Variants in NRG1 observed in about 807,000 individuals in gnomAD.
NRG1 encodes neuregulin 1.
NRG1 carries 18 observed loss-of-function variants against 63.8 expected under a neutral mutation model. The ratio of observed to expected loss-of-function variants is 0.28; its 90% CI spans 0.19 to 0.42. The LOEUF (loss-of-function observed/expected upper bound fraction) is 0.42, where lower values mean the gene tolerates loss of function less well. Ranked by LOEUF, NRG1 falls within the 10% of genes least tolerant of loss-of-function variation. NRG1 has a pLI of 1.00. For synonymous variants in NRG1, 302 were observed against 301.3 expected, an observed-to-expected ratio of 1.00 and a Z score of -0.02; for missense variants, 762 against 814.7, an observed-to-expected ratio of 0.94 and a Z score of 0.79.
At chr8:31,738,562 G>A (rs1814931058) in intron 1 of NRG1, among the ~76,000 whole-genome samples, 1 of 151,994 alleles carries the variant, frequency 6.6e-6, no homozygotes, top group Admixed American at 6.6e-5. Flanking sequence ...AGGTCTTTCA[G>A]TGAAATCTGT....
chr8:32,170,477 T>C (rs567707366), intron 1 of NRG1, among the ~76,000 whole-genome samples: 1 of 152,186 alleles, frequency 6.6e-6, no homozygotes, highest in South Asian at 2.1e-4. Flanking sequence ...TTGCCTCTGG[T>C]TGTGCAGATG....
intron 1 of NRG1, among the ~76,000 whole-genome samples, chr8:32,032,452 G>T (rs1319229751): frequency 6.6e-6 from 1 of 152,088 alleles, no homozygotes; most frequent in Admixed American, 6.5e-5. Context: ...TTTTAGTAGA[G>T]ATGGGGTTTC....
intron 1 of NRG1, among the ~76,000 whole-genome samples, chr8:31,909,417 G>C (rs1459509360): frequency 6.6e-6 from 1 of 152,044 alleles, no homozygotes; most frequent in Non-Finnish European, 1.5e-5. Flanking sequence ...TTAATCTTCA[G>C]AGTTCTTCCA....
At chr8:32,105,923 G>T (rs2131397797) in intron 1 of NRG1, among the ~76,000 whole-genome samples, 1 of 152,168 alleles carries the variant, frequency 6.6e-6, no homozygotes, top group East Asian at 1.9e-4. Flanking sequence ...GTTCCACCCA[G>T]GGTTTCTTTT....
chr8:31,912,228 G>A (rs1286179272), intron 1 of NRG1, among the ~76,000 whole-genome samples: 1 of 152,194 alleles, frequency 6.6e-6, no homozygotes, highest in African/African-American at 2.4e-5. Flanking sequence ...ATGCGCTGAT[G>A]TGTTTATGAT....
chr8:32,235,200 C>T (rs1847406305), intron 1 of NRG1, among the ~76,000 whole-genome samples: 1 of 128,122 alleles, frequency 7.8e-6, no homozygotes, highest in African/African-American at 3.1e-5. Context: ...TTGAGACCAG[C>T]CTGGGCAATA....
chr8:32,080,498 G>C (rs1827280029), intron 1 of NRG1, among the ~76,000 whole-genome samples: 1 of 152,090 alleles, frequency 6.6e-6, no homozygotes, highest in African/African-American at 2.4e-5. Context: ...TAGAAACAGT[G>C]ATAGGAATAA....
At chr8:32,293,700 CT>C (rs1372389751) in intron 1 of NRG1, among the ~76,000 whole-genome samples, 1 of 135,106 alleles carries the variant, frequency 7.4e-6, no homozygotes, top group Admixed American at 7.3e-5. Flanking sequence ...TTTACTATTT[CT>C]TTTTTCTTTT....
intron 5 of NRG1, among the ~76,000 whole-genome samples, chr8:32,723,499 G>A (rs568663659): frequency 1.2e-4 from 18 of 151,650 alleles, no homozygotes; most frequent in Admixed American, 8.5e-4. Flanking sequence ...GGCCAACATG[G>A]TGAAACCCCC....
intron 1 of NRG1, among the ~76,000 whole-genome samples, chr8:31,985,210 G>A (rs1809847727): frequency 6.6e-6 from 1 of 152,186 alleles, no homozygotes; most frequent in South Asian, 2.1e-4. Flanking sequence ...GGAGAAAAAG[G>A]AGAGAGAGGA....
intron 1 of NRG1, among the ~76,000 whole-genome samples, chr8:32,127,275 A>T (rs889038277): frequency 6.6e-6 from 1 of 151,902 alleles, no homozygotes; most frequent in African/African-American, 2.4e-5. Flanking sequence ...AAACCATGGA[A>T]ACAAAGGGCT....
chr8:31,911,599 G>T lies in NRG1; in HGVS notation c.37+272168G>T, dbSNP rs148166056. On this transcript the variant is annotated intron_variant, in intron 1 of 10. Transcript: ENST00000519301. ...GGTCTTACCAGATGGAGGAGGGAGA[G>T]AATCAAGCAAAATAACTAATGGGTA... Among the ~76,000 whole-genome samples the T allele has an allele frequency of 2.8e-4, 43 of 152,240 alleles. No individual in the cohort carries two copies. In the East Asian group the frequency reaches 7.1e-3, roughly 25 times the overall value.
rs187129533 is a variant in NRG1 at position 32,047,474 on chromosome 8, G to T, written c.37+408043G>T. 9.0e-4 allele frequency among the ~76,000 whole-genome samples: 137 copies of T among 151,664 alleles called. 1 individual carries two copies. Among genetic ancestry groups the T allele is most frequent in the Admixed American group, 5.0e-3 (76 of 15,202 alleles). ...ATAAGTATTTGTCATCTTAACTAAG[G>T]ATACAAAAAAAAGGAAGTGTGCATC... On this transcript the variant is annotated intron_variant, in intron 1 of 10. Transcript: ENST00000519301.
chr8:32,603,763 C>T (rs912105139), intron 2 of NRG1, among the ~76,000 whole-genome samples: 1 of 152,208 alleles, frequency 6.6e-6, no homozygotes, highest in East Asian at 1.9e-4. Flanking sequence ...GCGTGAGCCA[C>T]TGCTCCCAGC....
In NRG1 at chr8:31,732,437, C is replaced by T. The variant is rs574155222; in HGVS notation, c.37+93006C>T. ...CACACCCCACCATCTATTTTTGGAACGTATACAAATGGAGAAAGATACATT... is the reference window on the plus strand; with the variant it reads ...CACACCCCACCATCTATTTTTGGAATGTATACAAATGGAGAAAGATACATT... On this transcript the variant is annotated intron_variant, in intron 1 of 10. Coordinates refer to the NRG1 transcript ENST00000519301. Among the ~76,000 whole-genome samples, 457 of 152,076 alleles carry T rather than the reference C, an allele frequency of 3.0e-3. 3 individuals carry two copies. The highest frequency in any genetic ancestry group is 0.01 in the African/African-American group (415 of 41,482).
At chr8:32,734,272 T>G (rs1824450043) in intron 6 of NRG1, among the ~76,000 whole-genome samples, 1 of 152,202 alleles carries the variant, frequency 6.6e-6, no homozygotes, top group Admixed American at 6.5e-5. Context: ...ATAATATGTA[T>G]TAGTAGCTGA....
chr8:32,370,938 G>A (rs1300995684), intron 1 of NRG1, among the ~76,000 whole-genome samples: 4 of 150,064 alleles, frequency 2.7e-5, no homozygotes, highest in Admixed American at 1.3e-4. Flanking sequence ...TTCACTAGCC[G>A]TGGTTGCTCA....
chr8:32,565,456 C>A (rs146216773), intron 1 of NRG1, among the ~76,000 whole-genome samples: 2 of 152,276 alleles, frequency 1.3e-5, no homozygotes, highest in African/African-American at 4.8e-5. Context: ...GACCTTCTTT[C>A]TCTGAACACT....
intron 1 of NRG1, among the ~76,000 whole-genome samples, chr8:32,358,603 A>G (rs1398026591): frequency 2.0e-5 from 3 of 152,190 alleles, no homozygotes; most frequent in African/African-American, 7.2e-5. Flanking sequence ...ATTAAGAAGA[A>G]CATAGTAGGT....
Sources: allele counts gnomAD v4.1 joint callset (sites outside exome capture counted in the v4.1 genomes callset), GRCh38; gene constraint gnomAD v4.1.1; transcripts MANE v1.5; gene names NCBI Gene and HGNC (gene_info 2026-07-23, HGNC 2026-07-21).